The following ELMOD2 variants were observed in gnomAD, a reference collection of about 807,000 sequenced individuals.
ELMOD2 encodes ELMO domain containing 2.
In ELMOD2, 28 loss-of-function variants were observed where a neutral mutation model predicts 41.0. That is an observed-to-expected ratio of 0.68 (90% CI 0.51 to 0.94). The LOEUF (loss-of-function observed/expected upper bound fraction) is 0.94, where lower values mean the gene tolerates loss of function less well. Among genes scored for constraint, ELMOD2 ranks in the 40% least tolerant of loss-of-function variants. The pLI is 0.00. For missense variants in ELMOD2, 333 were observed against 343.1 expected (o/e 0.97, Z 0.23); for synonymous variants, 106 against 107.2 (o/e 0.99, Z 0.07).
chr4:140,543,953 T>C, intron 8 of ELMOD2, among the ~76,000 whole-genome samples: 1 of 152,162 alleles, frequency 6.6e-6, no homozygotes, highest in East Asian at 1.9e-4. Context: ...TTTTTACTTT[T>C]GGAAGGAAAT....
At chr4:140,531,727 TAAG>T (rs1734754808) in intron 3 of ELMOD2, among the ~76,000 whole-genome samples, 1 of 152,328 alleles carries the variant, frequency 6.6e-6, no homozygotes, top group South Asian at 2.1e-4. Context: ...CAAAGTATAA[TAAG>T]GGGATTCTAT....
intron 8 of ELMOD2, among the ~76,000 whole-genome samples, chr4:140,547,015 T>C (rs1735312503): frequency 6.6e-6 from 1 of 152,186 alleles, no homozygotes; most frequent in African/African-American, 2.4e-5. Context: ...AAAACTTCAT[T>C]CTTATACCCA....
rs193115118 is a variant in ELMOD2 at position 140,550,469 on chromosome 4, T to C, written c.*94T>C. On this transcript the variant is annotated 3_prime_UTR_variant, in exon 9 of 9. Transcript: ENST00000323570. ...AATTATCTGATCAATTACACTCTTA[T>C]ATATAATTTCCTACAAAAATATTTC... is the stretch of plus-strand genomic sequence containing the variant. The C allele has an allele frequency of 8.1e-7, 1 of 1,229,766 alleles. No homozygotes were observed. Among genetic ancestry groups the C allele is most frequent in the Non-Finnish European group, 1.1e-6 (1 of 905,790 alleles). The allele number at this position is 1,229,766 out of a possible 1,614,324, so 76.2% of individuals were successfully genotyped here.
At chr4:140,527,792 C>T (rs1289044284) in intron 3 of ELMOD2, 2 of 320,424 alleles carry the variant, frequency 6.2e-6, no homozygotes, top group South Asian at 1.1e-4. Context: ...GTCTTTTAGA[C>T]TGTGTCCTCA....
At chr4:140,539,684 A>G (rs190627982) in intron 5 of ELMOD2, among the ~76,000 whole-genome samples, 10 of 152,288 alleles carry the variant, frequency 6.6e-5, no homozygotes, top group African/African-American at 2.4e-4. Flanking sequence ...AAAGATATTT[A>G]TTTAAAACCA....
At chr4:140,534,914 A>G (rs1029049121) in intron 3 of ELMOD2, among the ~76,000 whole-genome samples, 19 of 152,180 alleles carry the variant, frequency 1.2e-4, no homozygotes, top group Non-Finnish European at 2.4e-4. Flanking sequence ...GGAGTTTGTA[A>G]TACATGCAAA....
chr4:140,537,528 AGC>A lies in ELMOD2; in HGVS notation c.387_388del (p.Glu129AspfsTer18), dbSNP rs1734973004. On this transcript the variant is annotated frameshift_variant, in exon 5 of 9. Transcript: ENST00000323570. LOFTEE classifies it high-confidence loss of function. ...GATTCTGATAACCTACAGCATGAAG[AGC>A]TACTCATGAAGGTAAATTTCTGTTT... 1.3e-6 allele frequency: 2 copies of A among 1,598,784 alleles called. No individual in the cohort carries two copies. Among genetic ancestry groups the A allele is most frequent in the African/African-American group, 2.7e-5 (2 of 73,854 alleles).
rs1475524598 is a variant in ELMOD2, at chr4:140,553,651, G to A, written c.*3276G>A. 6.6e-6 allele frequency: 1 copy of A among 152,090 alleles called. No individual in the cohort carries two copies. Among genetic ancestry groups the A allele is most frequent in the Non-Finnish European group, 1.5e-5 (1 of 67,988 alleles). The allele number at this position is 152,090 out of a possible 1,614,324, so 9.4% of individuals were successfully genotyped here. The stretch of plus-strand genomic sequence containing the variant: ...AAAAAGTACCACTTGGACACTTAAA[G>A]GAATTGGGATTTTTGTCTACTTTGG... On this transcript the variant is annotated 3_prime_UTR_variant, in exon 9 of 9. Coordinates refer to ENST00000323570, the MANE Select transcript of ELMOD2 (RefSeq NM_153702.4).
chr4:140,536,727 G>A (rs757449319), intron 4 of ELMOD2, among the ~76,000 whole-genome samples: 1 of 152,248 alleles, frequency 6.6e-6, no homozygotes, highest in Non-Finnish European at 1.5e-5. Flanking sequence ...TGTATTTTAG[G>A]AAGATGGAGA....
intron 1 of ELMOD2, chr4:140,524,573 G>C (rs1734490414): frequency 1.0e-6 from 1 of 984,966 alleles, no homozygotes; most frequent in Admixed American, 6.1e-5. Context: ...TCAAGATAAT[G>C]ATCAACCCAG....
chr4:140,526,535 G>C (rs78765263), intron 2 of ELMOD2: 2 of 151,852 alleles, frequency 1.3e-5, no homozygotes, highest in Non-Finnish European at 1.5e-5. Flanking sequence ...TTTTTTTTGT[G>C]TTGATCAAGT....
chr4:140,543,610 C>T (rs775551250), intron 8 of ELMOD2, 24 bp downstream of exon 8: 1 of 1,534,302 alleles, frequency 6.5e-7, no homozygotes, highest in Non-Finnish European at 8.8e-7. Flanking sequence ...TGAGTTAAAA[C>T]TAGATCTTTC....
At chr4:140,528,852 A>G (rs1734652544) in intron 3 of ELMOD2, among the ~76,000 whole-genome samples, 1 of 152,350 alleles carries the variant, frequency 6.6e-6, no homozygotes, top group African/African-American at 2.4e-5. Context: ...TTAGAGAGTG[A>G]TTAATATATT....
intron 3 of ELMOD2, among the ~76,000 whole-genome samples, chr4:140,532,577 A>G (rs1048605348): frequency 6.6e-6 from 1 of 152,224 alleles, no homozygotes; most frequent in Non-Finnish European, 1.5e-5. Flanking sequence ...GACAGAATTC[A>G]GTACCAATTC....
chr4:140,548,688 T>C (rs749449454), intron 8 of ELMOD2, among the ~76,000 whole-genome samples: 64 of 152,122 alleles, frequency 4.2e-4, no homozygotes, highest in Non-Finnish European at 7.1e-4. Flanking sequence ...CTCTCTTTCA[T>C]CTTTGGTAGA....
chr4:140,535,603 CT>C, intron 3 of ELMOD2, 129 bp from the exon 4 acceptor site: 1 of 713,618 alleles, frequency 1.4e-6, no homozygotes. Context: ...GTGAAATAAA[CT>C]GGTTGAAACA....
intron 3 of ELMOD2, among the ~76,000 whole-genome samples, chr4:140,535,206 CTA>C (rs199750463): frequency 0.011 from 1,610 of 149,550 alleles, 25 homozygotes; most frequent in African/African-American, 0.037. Context: ...ACTAAGGACT[CTA>C]TTTTTATTTT....
Position 140,553,230 on chromosome 4 carries a change from A to G in ELMOD2, c.*2855A>G, listed in dbSNP as rs1735513710. Reference sequence around the variant, plus strand: ...GTGTGAAAAGTAGATGCTCGTAGCCAGAACAGAAAAGGTTACACATGATCA... The same window carrying G: ...GTGTGAAAAGTAGATGCTCGTAGCCGGAACAGAAAAGGTTACACATGATCA... On this transcript the variant is annotated 3_prime_UTR_variant, in exon 9 of 9. Transcript: ENST00000323570. 6.6e-6 allele frequency: 1 copy of G among 152,294 alleles called. No individual in the cohort carries two copies. Among genetic ancestry groups the G allele is most frequent in the African/African-American group, 2.4e-5 (1 of 41,580 alleles). 9.4% of individuals were successfully genotyped at this position (152,294 alleles called of 1,614,324 possible).
At chr4:140,526,807 G>C (rs1734578168) in intron 2 of ELMOD2, 1 of 152,192 alleles carries the variant, frequency 6.6e-6, no homozygotes, top group South Asian at 2.1e-4. Flanking sequence ...AGTATGGGTT[G>C]GTGTTTTATA....
Sources: gnomAD v4.1 joint callset for allele counts (sites outside exome capture counted in the v4.1 genomes callset) on GRCh38, gnomAD v4.1.1 for gene constraint, MANE v1.5 for transcripts, NCBI Gene and HGNC (gene_info 2026-07-23, HGNC 2026-07-21) for gene names.